Variants in RAPGEF4 observed in about 807,000 individuals in gnomAD.
RAPGEF4 encodes the protein Rap guanine nucleotide exchange factor 4, also known as RAP guanine-nucleotide-exchange factor (GEF) 4.
Under a neutral mutation model 147.9 loss-of-function variants are expected in RAPGEF4, and 66 were observed. That is an observed-to-expected ratio of 0.45 (90% CI 0.37 to 0.55). RAPGEF4 has a LOEUF of 0.55. RAPGEF4 is among the 20% of genes least tolerant of loss of function. The pLI is 0.00. For synonymous variants in RAPGEF4, 419 were observed against 442.7 expected (o/e 0.95, Z 0.67); for missense variants, 1,071 against 1,257.3 (o/e 0.85, Z 2.24).
chr2:173,001,369 T>A, intron 17 of RAPGEF4, 25 bp downstream of exon 17: 1 of 1,613,080 alleles, frequency 6.2e-7, no homozygotes, highest in Non-Finnish European at 8.5e-7. Context: ...TGATTGTAAG[T>A]CCCTATTCCC....
At chr2:172,772,676 T>C (rs917202705) in intron 1 of RAPGEF4, among the ~76,000 whole-genome samples, 5 of 152,230 alleles carry the variant, frequency 3.3e-5, no homozygotes, top group Non-Finnish European at 7.3e-5. Context: ...TGAGTTTGTT[T>C]AAGGACCAAT....
intron 22 of RAPGEF4, among the ~76,000 whole-genome samples, chr2:173,020,100 C>A (rs909394510): frequency 2.6e-5 from 4 of 152,134 alleles, no homozygotes; most frequent in Non-Finnish European, 4.4e-5. Context: ...ATTTTTTTGA[C>A]ATGTTCTCAT....
At chr2:172,931,241 T>A (rs1164978687) in intron 6 of RAPGEF4, among the ~76,000 whole-genome samples, 2 of 141,846 alleles carry the variant, frequency 1.4e-5, no homozygotes, top group Admixed American at 7.6e-5. Flanking sequence ...TCGACAACGA[T>A]CTCAAATAGA....
intron 4 of RAPGEF4, chr2:172,822,099 A>G (rs1559058785): frequency 8.2e-7 from 1 of 1,214,384 alleles, no homozygotes; most frequent in East Asian, 2.5e-5. Context: ...ATGTTCCACC[A>G]GACCCAAATA....
intron 1 of RAPGEF4, among the ~76,000 whole-genome samples, chr2:172,776,653 A>G (rs1684191172): frequency 6.6e-6 from 1 of 151,962 alleles, no homozygotes; most frequent in African/African-American, 2.4e-5. Flanking sequence ...GCTTTACTTC[A>G]GATAATTTCT....
At chr2:172,862,448 G>C (rs2149782158) in intron 4 of RAPGEF4, among the ~76,000 whole-genome samples, 1 of 152,260 alleles carries the variant, frequency 6.6e-6, no homozygotes, top group Admixed American at 6.5e-5. Context: ...ACTTCAGCAA[G>C]TGTTTATTTA....
intron 17 of RAPGEF4, among the ~76,000 whole-genome samples, chr2:173,007,142 T>C (rs1309586893): frequency 1.3e-5 from 2 of 152,218 alleles, no homozygotes; most frequent in East Asian, 1.9e-4. Flanking sequence ...CCTAGCTACC[T>C]AGCTAGTAAA....
At chr2:173,041,687 A>G (rs1047303515) in intron 29 of RAPGEF4, among the ~76,000 whole-genome samples, 2 of 152,198 alleles carry the variant, frequency 1.3e-5, no homozygotes, top group African/African-American at 4.8e-5. Flanking sequence ...ATATCAGAAG[A>G]TCTAGACTAG....
intron 30 of RAPGEF4, among the ~76,000 whole-genome samples, chr2:173,050,875 T>G (rs1686148085): frequency 6.6e-6 from 1 of 152,082 alleles, no homozygotes; most frequent in Admixed American, 6.6e-5. Context: ...TTCACCACCT[T>G]CTGGTCTGGC....
At chr2:172,763,441 G>T (rs146162461) in intron 1 of RAPGEF4, among the ~76,000 whole-genome samples, 5 of 152,308 alleles carry the variant, frequency 3.3e-5, no homozygotes, top group Non-Finnish European at 7.3e-5. Context: ...TTTCATATGT[G>T]CTATGAGAAA....
intron 6 of RAPGEF4, among the ~76,000 whole-genome samples, chr2:172,941,023 A>T (rs886919377): frequency 1.3e-5 from 2 of 152,186 alleles, no homozygotes; most frequent in Admixed American, 1.3e-4. Context: ...CCAGTTGTTC[A>T]TTGCTGATAT....
intron 10 of RAPGEF4, among the ~76,000 whole-genome samples, chr2:172,981,688 A>G (rs61542186): frequency 0.073 from 11,119 of 152,288 alleles, 599 homozygotes; most frequent in South Asian, 0.16. Context: ...TCACGTTAAA[A>G]CTGTCCTTGG....
intron 6 of RAPGEF4, among the ~76,000 whole-genome samples, chr2:172,930,511 G>A (rs1370452523): frequency 6.6e-6 from 1 of 152,052 alleles, no homozygotes; most frequent in Non-Finnish European, 1.5e-5. Context: ...CATTTCTGTT[G>A]TTCTCTTTGT....
Position 172,795,211 on chromosome 2 carries a change from T to C in RAPGEF4, c.208+44T>C, listed in dbSNP as rs1479530736. The C allele has an allele frequency of 1.9e-6, 3 of 1,549,142 alleles. No individual in the cohort carries two copies. In the Admixed American group the frequency reaches 5.1e-5, roughly 26 times the overall value. On this transcript the variant is annotated intron_variant, in intron 2 of 30. Coordinates refer to ENST00000397081, the MANE Select transcript of RAPGEF4 (RefSeq NM_007023.4). The stretch of plus-strand genomic sequence containing the variant: ...GTAGTATATTTCCATGTATGGTTTA[T>C]GCTGATTTGTGGTTACTTTATGGAG...
At chr2:172,797,688 T>C (rs1305942374) in intron 3 of RAPGEF4, 75 bp downstream of exon 3, 1 of 1,130,044 alleles carries the variant, frequency 8.8e-7, no homozygotes, top group African/African-American at 1.6e-5. Flanking sequence ...TTTTATGCCA[T>C]TAAAATTACA....
chr2:172,795,252 A>G, intron 2 of RAPGEF4, 85 bp downstream of exon 2: 1 of 1,344,590 alleles, frequency 7.4e-7, no homozygotes, highest in Non-Finnish European at 1.0e-6. Flanking sequence ...TAGCAAATGG[A>G]GTATTTATGT....
intron 4 of RAPGEF4, among the ~76,000 whole-genome samples, chr2:172,827,990 A>G (rs1320032900): frequency 6.6e-6 from 1 of 151,426 alleles, no homozygotes; most frequent in African/African-American, 2.4e-5. Flanking sequence ...ATTGATGCAC[A>G]CTTTTTTTTT....
intron 22 of RAPGEF4, among the ~76,000 whole-genome samples, chr2:173,019,053 T>C (rs1297970399): frequency 1.3e-5 from 2 of 151,060 alleles, no homozygotes; most frequent in Non-Finnish European, 3.0e-5. Flanking sequence ...GATGTTGGCC[T>C]GGAGTTCTTT....
At chr2:172,956,467 T>C (rs1688738758) in intron 6 of RAPGEF4, among the ~76,000 whole-genome samples, 1 of 107,178 alleles carries the variant, frequency 9.3e-6, no homozygotes, top group Non-Finnish European at 2.1e-5. Context: ...ACAAAGTTTC[T>C]TTTTCTTTTT....
Sources: gnomAD v4.1 joint callset for allele counts (sites outside exome capture counted in the v4.1 genomes callset) on GRCh38, gnomAD v4.1.1 for gene constraint, MANE v1.5 for transcripts, NCBI Gene and HGNC (gene_info 2026-07-23, HGNC 2026-07-21) for gene names.